WDPCP: variants seen among roughly 807,000 people sequenced by gnomAD.
WDPCP encodes the protein WD repeat containing planar cell polarity effector, also known as WD repeat-containing and planar cell polarity effector protein fritz homolog.
WDPCP carries 71 observed loss-of-function variants against 93.1 expected under a neutral mutation model. The ratio of observed to expected loss-of-function variants is 0.76; its 90% CI spans 0.63 to 0.93. The LOEUF is 0.93. Among genes scored for constraint, WDPCP ranks in the 40% least tolerant of loss-of-function variants. The pLI, the probability that WDPCP is intolerant of heterozygous loss-of-function variation, is 0.00. For synonymous variants in WDPCP, 315 were observed against 315.0 expected, an observed-to-expected ratio of 1.00 and a Z score of 0.00; for missense variants, 844 against 887.4, an observed-to-expected ratio of 0.95 and a Z score of 0.62.
intron 3 of WDPCP, among the ~76,000 whole-genome samples, chr2:63,620,406 G>A (rs184871043): frequency 7.4e-4 from 112 of 152,300 alleles, no homozygotes; most frequent in African/African-American, 2.3e-3. Context: ...AAAGCCTTTC[G>A]GAAGTTCGAA....
chr2:63,677,374 A>G (rs1366881557), intron 2 of WDPCP, among the ~76,000 whole-genome samples: 1 of 152,216 alleles, frequency 6.6e-6, no homozygotes, highest in Admixed American at 6.5e-5. Flanking sequence ...ATAGACACAG[A>G]TCCACAGAAG....
intron 12 of WDPCP, among the ~76,000 whole-genome samples, chr2:63,337,175 A>C (rs1056212429): frequency 4.6e-5 from 7 of 152,312 alleles, no homozygotes; most frequent in African/African-American, 1.4e-4. Context: ...TACAGGCGTG[A>C]GCCACTGCGC....
At chr2:63,700,618 G>A (rs1210882224) in intron 2 of WDPCP, among the ~76,000 whole-genome samples, 2 of 151,434 alleles carry the variant, frequency 1.3e-5, no homozygotes, top group East Asian at 1.9e-4. Flanking sequence ...TTTTTCTCTC[G>A]CATACAGTGT....
intron 2 of WDPCP, among the ~76,000 whole-genome samples, chr2:63,657,476 G>C (rs1279110896): frequency 6.6e-6 from 1 of 152,168 alleles, no homozygotes; most frequent in East Asian, 1.9e-4. Flanking sequence ...AAAGTGCTGA[G>C]ATTACATGCG....
At chr2:63,760,426 G>A (rs1466299331) in intron 2 of WDPCP, among the ~76,000 whole-genome samples, 1 of 151,844 alleles carries the variant, frequency 6.6e-6, no homozygotes, top group Non-Finnish European at 1.5e-5. Flanking sequence ...CTTTCAACAT[G>A]AAATCTGTGG....
At chr2:63,455,535 G>A (rs1275099423) in intron 6 of WDPCP, among the ~76,000 whole-genome samples, 1 of 151,300 alleles carries the variant, frequency 6.6e-6, no homozygotes, top group South Asian at 2.1e-4. Context: ...ATTTATATCA[G>A]ATAAAACAGA....
intron 1 of WDPCP, among the ~76,000 whole-genome samples, chr2:63,551,300 T>C (rs778921442): frequency 1.1e-4 from 17 of 152,186 alleles, no homozygotes; most frequent in Non-Finnish European, 2.5e-4. Flanking sequence ...CCAAATCTCA[T>C]GTTGAAATAT....
At chr2:63,735,308 C>T (rs1308590848) in intron 2 of WDPCP, among the ~76,000 whole-genome samples, 1 of 152,018 alleles carries the variant, frequency 6.6e-6, no homozygotes, top group Non-Finnish European at 1.5e-5. Flanking sequence ...ATATCAGAAC[C>T]GTGGCCTTAA....
intron 13 of WDPCP, among the ~76,000 whole-genome samples, chr2:63,303,052 G>T (rs1335999817): frequency 6.6e-6 from 1 of 152,200 alleles, no homozygotes; most frequent in Non-Finnish European, 1.5e-5. Flanking sequence ...CACTTCAATA[G>T]ATGGTACCAG....
chr2:63,826,445 T>C (rs914635226), intron 1 of WDPCP, among the ~76,000 whole-genome samples: 2 of 152,152 alleles, frequency 1.3e-5, no homozygotes, highest in African/African-American at 2.4e-5. Flanking sequence ...CTATTATAGG[T>C]ATTTTAAGCA....
At chr2:63,702,315 C>A (rs1432727139) in intron 2 of WDPCP, among the ~76,000 whole-genome samples, 1 of 152,080 alleles carries the variant, frequency 6.6e-6, no homozygotes. Flanking sequence ...CGTGAGCCAC[C>A]GTGCCCAGCC....
intron 9 of WDPCP, among the ~76,000 whole-genome samples, chr2:63,431,159 A>T (rs371090514): frequency 4.6e-5 from 7 of 151,482 alleles, no homozygotes; most frequent in African/African-American, 1.7e-4. Context: ...CTTAAAAAAC[A>T]TTTTTTTTAA....
intron 1 of WDPCP, among the ~76,000 whole-genome samples, chr2:63,526,671 T>C (rs1353856423): frequency 1.3e-5 from 2 of 152,252 alleles, no homozygotes; most frequent in Admixed American, 1.3e-4. Flanking sequence ...TAGAAATCTC[T>C]TCCCTGTGGT....
chr2:63,497,079 T>C (rs375207332), intron 1 of WDPCP, among the ~76,000 whole-genome samples: 45 of 119,720 alleles, frequency 3.8e-4, no homozygotes, highest in African/African-American at 1.3e-3. Flanking sequence ...GCCACTGCAC[T>C]CCAGCCTAGG....
intron 14 of WDPCP, among the ~76,000 whole-genome samples, chr2:63,248,346 G>A (rs1300362867): frequency 6.6e-6 from 1 of 152,124 alleles, no homozygotes; most frequent in African/African-American, 2.4e-5. Flanking sequence ...CCTTGTATAT[G>A]ATGAGTTTAT....
chr2:63,768,783 T>C (rs1451348364), intron 2 of WDPCP, among the ~76,000 whole-genome samples: 1 of 151,992 alleles, frequency 6.6e-6, no homozygotes, highest in South Asian at 2.1e-4. Flanking sequence ...TGAAAGGCTA[T>C]CATACAGGAG....
At chr2:63,678,171 T>C (rs1207629609) in intron 2 of WDPCP, among the ~76,000 whole-genome samples, 2 of 152,260 alleles carry the variant, frequency 1.3e-5, no homozygotes, top group African/African-American at 4.8e-5. Flanking sequence ...AGCCTTTTTC[T>C]TTCTGCTCCA....
At chr2:63,610,430 A>G (rs537742325) in intron 3 of WDPCP, among the ~76,000 whole-genome samples, 2 of 152,326 alleles carry the variant, frequency 1.3e-5, no homozygotes, top group East Asian at 3.9e-4. Context: ...GAAAAACCCT[A>G]TAATTCCACT....
intron 3 of WDPCP, among the ~76,000 whole-genome samples, chr2:63,650,239 A>G (rs982553668): frequency 7.2e-5 from 11 of 152,188 alleles, no homozygotes; most frequent in African/African-American, 2.7e-4. Flanking sequence ...TAAAACACAG[A>G]TTGCTGGACC....
Sources: gnomAD v4.1 joint callset for allele counts (sites outside exome capture counted in the v4.1 genomes callset) on GRCh38, gnomAD v4.1.1 for gene constraint, MANE v1.5 for transcripts, NCBI Gene and HGNC (gene_info 2026-07-23, HGNC 2026-07-21) for gene names.